PADI6: variants seen among roughly 807,000 people sequenced by gnomAD.
The protein encoded by PADI6 is peptidyl arginine deiminase 6.
Under a neutral mutation model 78.2 loss-of-function variants are expected in PADI6, and 66 were observed. The observed-to-expected ratio is 0.84, with a 90% CI of 0.69 to 1.04. The LOEUF is 1.04. Ranked by LOEUF, PADI6 falls within the 50% of genes least tolerant of loss-of-function variation. The probability of loss-of-function intolerance (pLI) is 0.00; values close to 1 mark genes in which losing one functional copy is unlikely to be tolerated. For synonymous variants in PADI6, 397 were observed against 346.9 expected (o/e 1.14, Z -1.60); for missense variants, 854 against 866.1 (o/e 0.99, Z 0.18).
chr1:17,379,880 C>A, intron 3 of PADI6, 40 bp from the exon 4 acceptor site: 1 of 1,580,842 alleles, frequency 6.3e-7, no homozygotes, highest in Non-Finnish European at 8.7e-7. Context: ...TTCCATCTGG[C>A]AGGTCAAGGT....
At chr1:17,385,217 C>T (rs891501439) in intron 6 of PADI6, among the ~76,000 whole-genome samples, 6 of 152,148 alleles carry the variant, frequency 3.9e-5, no homozygotes, top group African/African-American at 1.2e-4. Flanking sequence ...TGGTGGCTTG[C>T]TCTGAGGTCT....
Position 17,381,177 on chromosome 1 carries a change from ACTGT to A in PADI6, c.553+16_553+19del. The A allele has an allele frequency of 6.4e-7, 1 of 1,573,260 alleles. No individual in the cohort carries two copies. The highest frequency in any genetic ancestry group is 8.6e-7 in the Non-Finnish European group (1 of 1,157,382). On this transcript the variant is annotated intron_variant, in intron 5 of 15. Transcript: ENST00000619609. ...ATCTTTTCAGAGGGTAGGACCTCAG[ACTGT>A]CTCTGCCTTTCCTTCTTGGTCTCTT...
At chr1:17,388,587 A>G in intron 7 of PADI6, 28 bp downstream of exon 7, 1 of 1,565,150 alleles carries the variant, frequency 6.4e-7, no homozygotes, top group Non-Finnish European at 8.8e-7. Flanking sequence ...ATGGGTCCTC[A>G]GACTAGGATG....
At chr1:17,400,532 T>C (rs886794437) in intron 15 of PADI6, among the ~76,000 whole-genome samples, 1 of 152,140 alleles carries the variant, frequency 6.6e-6, no homozygotes, top group Non-Finnish European at 1.5e-5. Context: ...GTTTTTGTTT[T>C]TTAAATTCTG....
intron 5 of PADI6, 24 bp downstream of exon 5, chr1:17,381,188 C>G (rs1194112260): frequency 6.5e-7 from 1 of 1,549,236 alleles, no homozygotes; most frequent in African/African-American, 1.4e-5. Context: ...CTGTCTCTGC[C>G]TTTCCTTCTT....
intron 8 of PADI6, 129 bp from the exon 9 acceptor site, chr1:17,391,985 G>C (rs1040340858): frequency 4.2e-6 from 3 of 716,320 alleles, no homozygotes; most frequent in Non-Finnish European, 4.7e-6. Flanking sequence ...TTGCTCTGTC[G>C]ACCTCACGGG....
chr1:17,394,598 G>A (rs4920602), intron 11 of PADI6, 144 bp downstream of exon 11: 564,131 of 893,312 alleles, frequency 0.63, 180,334 homozygotes, highest in South Asian at 0.67. Flanking sequence ...TTTGATTCAC[G>A]TGGGAGACTA....
In PADI6 at chr1:17,388,557, C is replaced by A; in HGVS notation, c.856C>A (p.Pro286Thr). 1.2e-6 allele frequency: 2 copies of A among 1,606,304 alleles called. No homozygotes were observed. Among genetic ancestry groups the A allele is most frequent in the South Asian group, 2.2e-5 (2 of 90,486 alleles). The change falls in exon 7 of 16, where the codon CCG becomes ACG. Residue 286 changes from proline to threonine, a missense_variant and splice_region_variant. Transcript: ENST00000619609. ...SVSLVEESQD[P>T]SIPETVLYKD... ...GTCCCTGGTGGAGGAGTCTCAAGAC[C>A]CGGTATGTCCCCATAATAGATGGGT...
At chr1:17,395,456 G>C in intron 12 of PADI6, 84 bp from the exon 13 acceptor site, 2 of 1,484,022 alleles carry the variant, frequency 1.3e-6, no homozygotes, top group Admixed American at 2.2e-5. Flanking sequence ...TGCCTGCCTC[G>C]GCCTCCAAAG....
intron 8 of PADI6, among the ~76,000 whole-genome samples, chr1:17,391,474 C>T (rs1335229208): frequency 1.3e-5 from 2 of 152,194 alleles, no homozygotes; most frequent in Admixed American, 1.3e-4. Flanking sequence ...CCCGCCTCAG[C>T]CTCCCAAAGT....
At position 17,373,225 on chromosome 1, in the gene PADI6, G is replaced by C. The variant is rs181841908; in HGVS notation, c.286G>C (p.Ala96Pro). The C allele has an allele frequency of 6.2e-7, 1 of 1,613,828 alleles. No homozygotes were observed. The change falls in exon 2 of 16, where the codon GCG (alanine) becomes CCG (proline). Residue 96 changes from alanine to proline, a missense_variant. Physicochemically the swap from Ala to Pro is conservative, Grantham distance 27. Coordinates refer to ENST00000619609, the MANE Select transcript of PADI6 (RefSeq NM_207421.4). ...KMTSPSPSVD[A>P]DKVSVTYYGP... ...GACATCGCCCAGCCCTTCCGTGGAT[G>C]CGGATAAGGTAAGCCTCAGGGGAAG... is the stretch of plus-strand genomic sequence containing the variant.
chr1:17,375,459 T>C lies in PADI6; in HGVS notation c.327T>C (p.Asp109=). The C allele has an allele frequency of 6.2e-7, 1 of 1,611,372 alleles. No homozygotes were observed. The highest frequency in any genetic ancestry group is 2.2e-5 in the East Asian group (1 of 44,812). ...TCACATACTATGGGCCCAACGAGGA[T>C]GCCCCCGTGGGCACAGCTGTGCTGT... The part of the protein sequence containing the change: ...VSVTYYGPNE[D]APVGTAVLYL... The change falls in exon 3 of 16, where the codon GAT becomes GAC. Residue 109 remains aspartate (D), a synonymous_variant. Transcript: ENST00000619609.
In PADI6 at chr1:17,388,377, C is replaced by T; in HGVS notation, c.680-4C>T. 1 of 1,607,818 alleles carries T rather than the reference C, an allele frequency of 6.2e-7. No homozygotes were observed. Among genetic ancestry groups the T allele is most frequent in the Non-Finnish European group, 8.5e-7 (1 of 1,176,990 alleles). On this transcript the variant is annotated splice_polypyrimidine_tract_variant and splice_region_variant and intron_variant, in intron 6 of 15. Coordinates refer to ENST00000619609, the MANE Select transcript of PADI6 (RefSeq NM_207421.4). ...GGCTGGTCCATCCCTTCTTTCTCTC[C>T]TAGAAGACAACTCCAGTACCTTTGA...
chr1:17,385,030 TGA>T (rs1024227352), intron 6 of PADI6, among the ~76,000 whole-genome samples: 1 of 152,158 alleles, frequency 6.6e-6, no homozygotes, highest in African/African-American at 2.4e-5. Context: ...GAGGAAGATC[TGA>T]GAAGTTTGCA....
intron 6 of PADI6, among the ~76,000 whole-genome samples, chr1:17,386,946 C>G (rs1366470798): frequency 6.6e-6 from 1 of 152,190 alleles, no homozygotes; most frequent in Non-Finnish European, 1.5e-5. Context: ...TCTGAGGATG[C>G]TACAGTTCCT....
intron 9 of PADI6, among the ~76,000 whole-genome samples, chr1:17,392,983 AAAAAATAC>A (rs1391980839): frequency 1.3e-5 from 2 of 152,066 alleles, no homozygotes. Flanking sequence ...GTCTCTACTA[AAAAAATAC>A]AAAAATCAGC....
intron 8 of PADI6, among the ~76,000 whole-genome samples, chr1:17,390,994 A>T (rs1363626598): frequency 6.6e-6 from 1 of 152,178 alleles, no homozygotes; most frequent in Non-Finnish European, 1.5e-5. Context: ...TCAGGCTGGT[A>T]GCTCCCTGTG....
intron 2 of PADI6, among the ~76,000 whole-genome samples, chr1:17,373,698 G>A (rs1440454647): frequency 6.6e-6 from 1 of 152,002 alleles, no homozygotes; most frequent in Admixed American, 6.6e-5. Flanking sequence ...CACTATGTTG[G>A]CCAGGCTGGT....
intron 2 of PADI6, among the ~76,000 whole-genome samples, chr1:17,373,886 T>G (rs551121572): frequency 5.9e-5 from 9 of 152,244 alleles, no homozygotes; most frequent in East Asian, 1.9e-4. Context: ...GGATTTGAGC[T>G]TGAGCCCAAG....
Sources: allele counts gnomAD v4.1 joint callset (sites outside exome capture counted in the v4.1 genomes callset), GRCh38; gene constraint gnomAD v4.1.1; transcripts MANE v1.5; gene names NCBI Gene and HGNC (gene_info 2026-07-23, HGNC 2026-07-21).